TOP1: variants seen among roughly 807,000 people sequenced by gnomAD.
TOP1 encodes DNA topoisomerase I.
A neutral mutation model predicts 111.1 loss-of-function variants in TOP1; 10 were observed. The ratio of observed to expected loss-of-function variants is 0.09; its 90% confidence interval spans 0.06 to 0.15. The LOEUF (loss-of-function observed/expected upper bound fraction) is 0.15, where lower values mean the gene tolerates loss of function less well. Ranked by LOEUF, TOP1 falls within the 10% of genes least tolerant of loss-of-function variation. TOP1 has a pLI of 1.00. For synonymous variants in TOP1, 271 were observed against 302.9 expected (o/e 0.89, Z 1.10); for missense variants, 474 against 926.7 (o/e 0.51, Z 6.34).
At chr20:41,084,282 C>A (rs138144606) in intron 7 of TOP1, among the ~76,000 whole-genome samples, 180 bp from the exon 8 acceptor site, 2 of 152,104 alleles carry the variant, frequency 1.3e-5, no homozygotes, top group African/African-American at 2.4e-5. Context: ...TTAGGAAATA[C>A]TGCTGTAGAA....
intron 2 of TOP1, among the ~76,000 whole-genome samples, chr20:41,044,567 T>A (rs76474714): frequency 0.049 from 7,453 of 152,288 alleles, 254 homozygotes; most frequent in Non-Finnish European, 0.077. Context: ...TGCTTTGAGA[T>A]AGCCAGCTTA....
At position 41,061,325 on chromosome 20, in the gene TOP1, C is replaced by T; in HGVS notation, c.59-69C>T. ...TCCTGTCATTGTACTTCTTGACCAG[C>T]TTGTCAAGGTAGGCATACAGAAGAT... On this transcript the variant is annotated intron_variant, in intron 2 of 20. Coordinates refer to ENST00000361337, the MANE Select transcript of TOP1 (RefSeq NM_003286.4). The surrounding 1 kb of genome is among the most constrained non-coding windows in gnomAD (Gnocchi z 4.6). The T allele has an allele frequency of 6.9e-7, 1 of 1,440,872 alleles. No individual in the cohort carries two copies. Among genetic ancestry groups the T allele is most frequent in the Non-Finnish European group, 9.7e-7 (1 of 1,035,262 alleles). 89.3% of individuals were successfully genotyped at this position (1,440,872 alleles called of 1,614,324 possible).
Position 41,123,364 on chromosome 20 carries a change from C to G in TOP1, c.*67C>G. ...GTTTGGGAAAGATGGATAAACTGAG[C>G]CTCACTTGCCCTCGTGCCTGGGGGA... On this transcript the variant is annotated 3_prime_UTR_variant, in exon 21 of 21. Coordinates refer to ENST00000361337, the MANE Select transcript of TOP1 (RefSeq NM_003286.4). The surrounding 1 kb of genome is among the most constrained non-coding windows in gnomAD (Gnocchi z 5.8). 1 of 1,156,964 alleles carries G rather than the reference C, an allele frequency of 8.6e-7. No individual in the cohort carries two copies. Among genetic ancestry groups the G allele is most frequent in the Non-Finnish European group, 1.3e-6 (1 of 781,620 alleles). 71.7% of individuals were successfully genotyped at this position (1,156,964 alleles called of 1,614,324 possible).
chr20:41,045,794 C>T (rs1568673785), intron 2 of TOP1, among the ~76,000 whole-genome samples: 1 of 152,146 alleles, frequency 6.6e-6, no homozygotes, highest in African/African-American at 2.4e-5. Context: ...CCAAATAGCA[C>T]CCAAGAGGCT....
Position 41,115,233 on chromosome 20 carries a change from G to A in TOP1, c.1639-138G>A. 1 of 606,746 alleles carries A rather than the reference G, an allele frequency of 1.6e-6. No homozygotes were observed. Among genetic ancestry groups the A allele is most frequent in the South Asian group, 1.9e-5 (1 of 51,964 alleles). 37.6% of individuals were successfully genotyped at this position (606,746 alleles called of 1,614,324 possible). ...GTGCAAATGATGAATGGGGTAAAATGTTAACAGTGAATCTCGGTGACGGAT... is the reference window on the plus strand; with the variant it reads ...GTGCAAATGATGAATGGGGTAAAATATTAACAGTGAATCTCGGTGACGGAT... On this transcript the variant is annotated intron_variant, in intron 15 of 20. Coordinates refer to ENST00000361337, the MANE Select transcript of TOP1 (RefSeq NM_003286.4). This position sits in a 1 kb window ranked among gnomAD's most constrained non-coding sequence, Gnocchi z 6.3.
chr20:41,113,490 C>T (rs2034275486), intron 14 of TOP1, among the ~76,000 whole-genome samples: 1 of 151,914 alleles, frequency 6.6e-6, no homozygotes. Flanking sequence ...GAGGAAGTAA[C>T]ACTGCAGAAT....
chr20:41,092,612 T>C lies in TOP1; in HGVS notation c.730+25T>C. 1 of 1,204,840 alleles carries C rather than the reference T, an allele frequency of 8.3e-7. No homozygotes were observed. The highest frequency in any genetic ancestry group is 1.2e-6 in the Non-Finnish European group (1 of 836,990). The allele number at this position is 1,204,840 out of a possible 1,614,324, so 74.6% of individuals were successfully genotyped here. The stretch of plus-strand genomic sequence containing the variant: ...GGTGAGTTGTTTCAAGGTTCTTGAT[T>C]CTTGGCCAGGAAAAGAAATCTGCTT... On this transcript the variant is annotated intron_variant, in intron 9 of 20. Coordinates refer to ENST00000361337, the MANE Select transcript of TOP1 (RefSeq NM_003286.4). This position sits in a 1 kb window ranked among gnomAD's most constrained non-coding sequence, Gnocchi z 4.3.
At chr20:41,107,518 T>C (rs147980294) in intron 13 of TOP1, among the ~76,000 whole-genome samples, 3 of 152,242 alleles carry the variant, frequency 2.0e-5, no homozygotes, top group Non-Finnish European at 2.9e-5. Context: ...CTATAATTTA[T>C]TTCAATTACC....
In TOP1 at chr20:41,098,256, C is replaced by G. The variant is rs2034009966; in HGVS notation, c.894C>G (p.Ser298Arg). The G allele has an allele frequency of 1.2e-6, 2 of 1,613,742 alleles. No homozygotes were observed. The highest frequency in any genetic ancestry group is 1.7e-6 in the Non-Finnish European group (2 of 1,179,702). Residue 298 changes from serine to arginine, a missense_variant, in exon 11 of 21, where the codon AGC becomes AGG. Ser to Arg is a moderately radical substitution (Grantham distance 110). This residue lies in a region of TOP1 where 84 missense variants were observed against 119.2 expected (regional missense o/e 0.70). Transcript: ENST00000361337. This position sits in a 1 kb window ranked among gnomAD's most constrained non-coding sequence, Gnocchi z 5.7. ...AGAAGAATATTATCACCAACCTAAG[C>G]AAATGTGATTTTACCCAGATGAGCC... ...NEEKNIITNL[S>R]KCDFTQMSQY... is the part of the protein sequence containing the mutation.
At chr20:41,108,519 G>A (rs1008309165) in intron 13 of TOP1, among the ~76,000 whole-genome samples, 1 of 152,158 alleles carries the variant, frequency 6.6e-6, no homozygotes, top group African/African-American at 2.4e-5. Context: ...GTCATTGAAA[G>A]GATTGGGATT....
Position 41,109,244 on chromosome 20 carries a change from A to G in TOP1, c.1309-3538A>G, listed in dbSNP as rs2034195837. On this transcript the variant is annotated intron_variant, in intron 13 of 20. Transcript: ENST00000361337. This position sits in a 1 kb window ranked among gnomAD's most constrained non-coding sequence, Gnocchi z 4.1. ...ATTTTGGTGAGTTCTATTAGAGAAA[A>G]TAAGACACAAGCTCATTAAAAATAT... 2.0e-5 allele frequency among the ~76,000 whole-genome samples: 3 copies of G among 152,334 alleles called. No individual in the cohort carries two copies. Among genetic ancestry groups the G allele is most frequent in the East Asian group, 3.9e-4 (2 of 5,194 alleles).
chr20:41,070,299 T>G (rs2033655470), intron 3 of TOP1, among the ~76,000 whole-genome samples: 1 of 152,226 alleles, frequency 6.6e-6, no homozygotes, highest in South Asian at 2.1e-4. Flanking sequence ...GGGCACATCC[T>G]TTTATCCTCT....
intron 8 of TOP1, among the ~76,000 whole-genome samples, chr20:41,087,504 T>TGCATCTTAGCATCAA: frequency 6.6e-6 from 1 of 152,230 alleles, no homozygotes; most frequent in Non-Finnish European, 1.5e-5. Flanking sequence ...TTAGCAAAGG[T>TGCATCTTAGCATCAA]AAAATGCTGT....
chr20:41,060,144 A>G (rs1316891100), intron 2 of TOP1, among the ~76,000 whole-genome samples: 1 of 152,244 alleles, frequency 6.6e-6, no homozygotes, highest in Non-Finnish European at 1.5e-5. Flanking sequence ...TATATTACCC[A>G]GTAACTTTTC....
In TOP1 at chr20:41,121,929, C is replaced by CA. The variant is rs1290251600; in HGVS notation, c.2046-74dup. ...CTCTATACTAGGGCTTTTATTGACT[C>CA]AAAGTGGCAGGATGGGTACAGTGTG... On this transcript the variant is annotated intron_variant, in intron 19 of 20. Transcript: ENST00000361337. The surrounding 1 kb of genome is among the most constrained non-coding windows in gnomAD (Gnocchi z 4.2). The CA allele has an allele frequency of 6.3e-7, 1 of 1,577,950 alleles. No homozygotes were observed. Among genetic ancestry groups the CA allele is most frequent in the South Asian group, 1.1e-5 (1 of 87,260 alleles).
intron 13 of TOP1, among the ~76,000 whole-genome samples, chr20:41,111,348 AT>A (rs1467904858): frequency 1.3e-5 from 2 of 152,098 alleles, no homozygotes; most frequent in Non-Finnish European, 2.9e-5. Flanking sequence ...AGACTTAGGT[AT>A]TTTTTCTGTG....
intron 2 of TOP1, among the ~76,000 whole-genome samples, chr20:41,042,914 G>A (rs1173463230): frequency 6.6e-6 from 1 of 152,206 alleles, no homozygotes; most frequent in Non-Finnish European, 1.5e-5. Flanking sequence ...AAGTGAAAAT[G>A]GATCATCATA....
chr20:41,086,529 C>T (rs1241218061), intron 8 of TOP1, among the ~76,000 whole-genome samples: 2 of 152,222 alleles, frequency 1.3e-5, no homozygotes, highest in Non-Finnish European at 2.9e-5. Context: ...TCCCTGCTGT[C>T]TCCCCTTTAC....
At chr20:41,090,023 G>T (rs768443592) in intron 8 of TOP1, among the ~76,000 whole-genome samples, 1 of 152,132 alleles carries the variant, frequency 6.6e-6, no homozygotes, top group Non-Finnish European at 1.5e-5. Context: ...GCCCAGGCTG[G>T]AGTGCAGTGG....
Sources: allele counts gnomAD v4.1 joint callset (sites outside exome capture counted in the v4.1 genomes callset), GRCh38; gene constraint gnomAD v4.1.1; regional missense constraint gnomAD v4.1.1; non-coding constraint Gnocchi (gnomAD v3.1); transcripts MANE v1.5; gene names NCBI Gene and HGNC (gene_info 2026-07-23, HGNC 2026-07-21).